Variants in KCNAB1 observed in about 807,000 individuals in gnomAD.
KCNAB1 encodes potassium voltage-gated channel subfamily A regulatory beta subunit 1.
KCNAB1 carries 35 observed loss-of-function variants against 64.6 expected under a neutral mutation model. That is an observed-to-expected ratio of 0.54 (90% CI 0.41 to 0.72). The LOEUF (loss-of-function observed/expected upper bound fraction) is 0.72, where lower values mean the gene tolerates loss of function less well. Among genes scored for constraint, KCNAB1 ranks in the 30% least tolerant of loss-of-function variants. KCNAB1 has a pLI of 0.00. For synonymous variants in KCNAB1, 177 were observed against 183.8 expected, an observed-to-expected ratio of 0.96 and a Z score of 0.30; for missense variants, 401 against 512.9, an observed-to-expected ratio of 0.78 and a Z score of 2.11.
chr3:156,137,014 T>C (rs1290880557), intron 1 of KCNAB1, among the ~76,000 whole-genome samples: 1 of 151,704 alleles, frequency 6.6e-6, no homozygotes, highest in Non-Finnish European at 1.5e-5. Context: ...AATACGCTCA[T>C]TTTTTTCTTT....
intron 1 of KCNAB1, among the ~76,000 whole-genome samples, chr3:156,267,126 A>G (rs1718767528): frequency 6.6e-6 from 1 of 152,156 alleles, no homozygotes; most frequent in Admixed American, 6.5e-5. Flanking sequence ...TTCGGTATAT[A>G]GTATATCTTT....
chr3:156,256,114 T>C lies in KCNAB1; in HGVS notation c.275+135228T>C, dbSNP rs113137641. Reference sequence around the variant, plus strand: ...TAGTTTGACTGCAGAGTTTGAATAATTTCAGAGAAATTGTTTGTTTCTTTA... The same window carrying C: ...TAGTTTGACTGCAGAGTTTGAATAACTTCAGAGAAATTGTTTGTTTCTTTA... On this transcript the variant is annotated intron_variant, in intron 1 of 13. Transcript: ENST00000490337. Among the ~76,000 whole-genome samples the C allele has an allele frequency of 7.9e-4, 121 of 152,366 alleles. 1 individual carries two copies. The highest frequency in any genetic ancestry group is 2.7e-3 in the African/African-American group (113 of 41,592).
intron 1 of KCNAB1, among the ~76,000 whole-genome samples, chr3:156,323,699 A>G (rs1033714943): frequency 6.6e-6 from 1 of 152,176 alleles, no homozygotes; most frequent in Admixed American, 6.5e-5. Flanking sequence ...CTTTAGGAAC[A>G]TGGCATGTGG....
intron 1 of KCNAB1, among the ~76,000 whole-genome samples, chr3:156,335,304 C>G (rs897286796): frequency 6.6e-6 from 1 of 152,218 alleles, no homozygotes; most frequent in Non-Finnish European, 1.5e-5. Context: ...CACACCCTCC[C>G]CTTTGCCCTC....
At chr3:156,284,364 C>T (rs1416426049) in intron 1 of KCNAB1, among the ~76,000 whole-genome samples, 3 of 152,240 alleles carry the variant, frequency 2.0e-5, no homozygotes, top group Non-Finnish European at 4.4e-5. Context: ...CCACTGCTCT[C>T]TTCAAAGCTG....
intron 8 of KCNAB1, among the ~76,000 whole-genome samples, chr3:156,475,049 C>T (rs1559904068): frequency 6.6e-6 from 1 of 152,158 alleles, no homozygotes; most frequent in African/African-American, 2.4e-5. Context: ...TCGTGGCTCC[C>T]GCTGGTTACA....
At chr3:156,357,972 A>T (rs1304181308) in intron 1 of KCNAB1, among the ~76,000 whole-genome samples, 1 of 152,022 alleles carries the variant, frequency 6.6e-6, no homozygotes, top group Non-Finnish European at 1.5e-5. Context: ...AAGTTGATTC[A>T]TGTTTCCAAG....
At chr3:156,388,798 A>G (rs1343676776) in intron 1 of KCNAB1, among the ~76,000 whole-genome samples, 1 of 152,216 alleles carries the variant, frequency 6.6e-6, no homozygotes, top group African/African-American at 2.4e-5. Flanking sequence ...CCAGCTGCAC[A>G]GCAAATCTCT....
intron 1 of KCNAB1, among the ~76,000 whole-genome samples, chr3:156,394,367 G>A (rs1038717651): frequency 2.6e-5 from 4 of 152,190 alleles, no homozygotes; most frequent in African/African-American, 9.7e-5. Context: ...ATTTTCAAAG[G>A]TAGGGACCAG....
At chr3:156,414,987 C>T (rs1284019634) in intron 1 of KCNAB1, among the ~76,000 whole-genome samples, 3 of 152,218 alleles carry the variant, frequency 2.0e-5, no homozygotes, top group Non-Finnish European at 2.9e-5. Flanking sequence ...TTCTTCTTTG[C>T]CTCTTTTATC....
At chr3:156,397,941 T>C (rs1033102755) in intron 1 of KCNAB1, among the ~76,000 whole-genome samples, 5 of 152,242 alleles carry the variant, frequency 3.3e-5, no homozygotes, top group Admixed American at 1.3e-4. Context: ...GTTTGTACTA[T>C]AGTAGATATT....
chr3:156,436,387 G>A (rs560357794), intron 2 of KCNAB1, among the ~76,000 whole-genome samples: 148 of 152,318 alleles, frequency 9.7e-4, no homozygotes, highest in African/African-American at 3.4e-3. Context: ...ATATGTGCAT[G>A]TATGTTTATA....
At chr3:156,294,762 A>G (rs996746714) in intron 1 of KCNAB1, among the ~76,000 whole-genome samples, 2 of 152,280 alleles carry the variant, frequency 1.3e-5, no homozygotes, top group South Asian at 2.1e-4. Context: ...AATGGTTTTC[A>G]TAGGCAGAGC....
At chr3:156,163,369 C>T (rs950997737) in intron 1 of KCNAB1, among the ~76,000 whole-genome samples, 1 of 152,088 alleles carries the variant, frequency 6.6e-6, no homozygotes, top group Non-Finnish European at 1.5e-5. Flanking sequence ...AGCTATGGCA[C>T]TTAAAAAAAT....
intron 12 of KCNAB1, among the ~76,000 whole-genome samples, chr3:156,525,998 C>T (rs989142921): frequency 3.3e-5 from 5 of 152,212 alleles, no homozygotes; most frequent in East Asian, 1.9e-4. Context: ...CACTCACTCA[C>T]TGACTCACCC....
intron 2 of KCNAB1, among the ~76,000 whole-genome samples, chr3:156,445,210 T>A (rs1717316405): frequency 6.6e-6 from 1 of 152,134 alleles, no homozygotes; most frequent in South Asian, 2.1e-4. Context: ...GCAGGAGAAT[T>A]GCTTGAACCT....
At chr3:156,238,776 T>C (rs926177344) in intron 1 of KCNAB1, among the ~76,000 whole-genome samples, 2 of 152,222 alleles carry the variant, frequency 1.3e-5, no homozygotes, top group Non-Finnish European at 2.9e-5. Context: ...TCCTTGTCTC[T>C]GATCTAAAAT....
chr3:156,463,170 T>C lies in KCNAB1; in HGVS notation c.483-532T>C, dbSNP rs1164861321. ...AGTCAGTTCCTGCCTGTGAATGTGA[T>C]GTTAGAAGGGATAATAACTTGGAGC... On this transcript the variant is annotated intron_variant, in intron 5 of 13. Transcript: ENST00000490337. Among the ~76,000 whole-genome samples, 3 of 152,194 alleles carry C rather than the reference T, an allele frequency of 2.0e-5. No individual in the cohort carries two copies. In the East Asian group the frequency reaches 5.8e-4, roughly 29 times the overall value.
At chr3:156,442,960 G>A (rs1717108851) in intron 2 of KCNAB1, among the ~76,000 whole-genome samples, 2 of 152,182 alleles carry the variant, frequency 1.3e-5, no homozygotes, top group Non-Finnish European at 2.9e-5. Flanking sequence ...GCAGGGAGGT[G>A]GCCGAGGAGA....
Sources: gnomAD v4.1 joint callset for allele counts (sites outside exome capture counted in the v4.1 genomes callset) on GRCh38, gnomAD v4.1.1 for gene constraint, MANE v1.5 for transcripts, NCBI Gene and HGNC (gene_info 2026-07-23, HGNC 2026-07-21) for gene names.